The following ARHGEF17 variants were observed in gnomAD, a reference collection of about 807,000 sequenced individuals.
ARHGEF17 encodes Rho guanine nucleotide exchange factor 17, also known as 164 kDa Rho-specific guanine-nucleotide exchange factor.
In ARHGEF17, 80 loss-of-function variants were observed where a neutral mutation model predicts 174.0. That is an observed-to-expected ratio of 0.46 (90% CI 0.38 to 0.55). The LOEUF (loss-of-function observed/expected upper bound fraction) is 0.55. ARHGEF17 is among the 20% of genes least tolerant of loss of function. The pLI, the probability that ARHGEF17 is intolerant of heterozygous loss-of-function variation, is 0.00. For synonymous variants in ARHGEF17, 1,311 were observed against 1,189.1 expected (o/e 1.10, Z -2.11); for missense variants, 2,886 against 2,839.7 (o/e 1.02, Z -0.37).
intron 2 of ARHGEF17, among the ~76,000 whole-genome samples, chr11:73,349,404 C>T (rs1865516695): frequency 6.6e-6 from 1 of 152,182 alleles, no homozygotes; most frequent in Admixed American, 6.5e-5. Context: ...CACCTGAGGT[C>T]AGGAGTTCAA....
chr11:73,360,044 G>GA, intron 10 of ARHGEF17, 92 bp downstream of exon 10: 1 of 1,272,168 alleles, frequency 7.9e-7, no homozygotes. Context: ...TTGCCTGAGG[G>GA]AAGAGACATC....
chr11:73,321,883 C>T (rs543009935), intron 1 of ARHGEF17, among the ~76,000 whole-genome samples: 3 of 152,106 alleles, frequency 2.0e-5, no homozygotes, highest in African/African-American at 4.8e-5. Flanking sequence ...AGGGGCCAGC[C>T]GAGGGAGCAA....
Position 73,364,611 on chromosome 11 carries a change from G to C in ARHGEF17, c.5550+11G>C, listed in dbSNP as rs775766041. ...ACGCTGCAGCTGGAGGTAGCAGGGGGTGGGGGAATGGAATTGGTGCCATGG... is the reference window on the plus strand; with the variant it reads ...ACGCTGCAGCTGGAGGTAGCAGGGGCTGGGGGAATGGAATTGGTGCCATGG... On this transcript the variant is annotated intron_variant, in intron 18 of 20. Transcript: ENST00000263674. 1.7e-5 allele frequency: 28 copies of C among 1,601,836 alleles called. No homozygotes were observed. Among genetic ancestry groups the C allele is most frequent in the Non-Finnish European group, 2.1e-5 (25 of 1,175,264 alleles).
At chr11:73,362,795 G>C in intron 14 of ARHGEF17, 61 bp downstream of exon 14, 3 of 1,553,250 alleles carry the variant, frequency 1.9e-6, no homozygotes, top group Non-Finnish European at 1.7e-6. Flanking sequence ...GCCCAGAGGA[G>C]GGGGAGAGGA....
At chr11:73,356,075 A>G in intron 5 of ARHGEF17, 100 bp from the exon 6 acceptor site, 1 of 1,575,136 alleles carries the variant, frequency 6.3e-7, no homozygotes, top group East Asian at 2.3e-5. Context: ...GGTAGGAAAG[A>G]TAGTCCTCTT....
intron 9 of ARHGEF17, among the ~76,000 whole-genome samples, chr11:73,359,089 G>A (rs1591759395): frequency 1.3e-5 from 2 of 152,182 alleles, no homozygotes; most frequent in Non-Finnish European, 2.9e-5. Context: ...GTCATGACCC[G>A]TCCAGGGCTG....
At position 73,362,478 on chromosome 11, in the gene ARHGEF17, G is replaced by A. The variant is rs141393518; in HGVS notation, c.4740G>A (p.Glu1580=). The A allele has an allele frequency of 1.5e-4, 232 of 1,593,710 alleles. No homozygotes were observed. The highest frequency in any genetic ancestry group is 1.9e-4 in the Non-Finnish European group (219 of 1,173,474). ...SLRSPPETAP[E]PAGPELDVEA... ...GGAGTCCTCCAGAGACGGCACCGGAGCCCGCCGGGCCGGAGCTGGACGTCG... is the reference window on the plus strand; with the variant it reads ...GGAGTCCTCCAGAGACGGCACCGGAACCCGCCGGGCCGGAGCTGGACGTCG... Residue 1580 remains glutamate, a synonymous_variant, in exon 14 of 21, where the codon GAG becomes GAA. Coordinates refer to ENST00000263674, the MANE Select transcript of ARHGEF17 (RefSeq NM_014786.4).
At position 73,360,515 on chromosome 11, in the gene ARHGEF17, G is replaced by C. The variant is rs769958134; in HGVS notation, c.4402G>C (p.Glu1468Gln). 1 of 1,613,772 alleles carries C rather than the reference G, an allele frequency of 6.2e-7. No homozygotes were observed. The highest frequency in any genetic ancestry group is 8.5e-7 in the Non-Finnish European group (1 of 1,180,056). The change falls in exon 11 of 21, where the codon GAG (glutamate) becomes CAG (glutamine). Residue 1468 changes from glutamate (E) to glutamine (Q), a missense_variant. Coordinates refer to ENST00000263674, the MANE Select transcript of ARHGEF17 (RefSeq NM_014786.4). Reference sequence around the variant, plus strand: ...CCTTGGTTTTGAACAGGCCTTCGATGAGGCCAAGAGGAAGCTGGGTAAGCC... The same window carrying C: ...CCTTGGTTTTGAACAGGCCTTCGATCAGGCCAAGAGGAAGCTGGGTAAGCC... The part of the protein sequence containing the change: ...ARLGFEQAFD[E>Q]AKRKLASSKS...
chr11:73,364,116 G>A, intron 16 of ARHGEF17, 56 bp from the exon 17 acceptor site: 1 of 1,570,390 alleles, frequency 6.4e-7, no homozygotes, highest in East Asian at 2.2e-5. Flanking sequence ...CCTGGTCCTG[G>A]GTGACCCACT....
chr11:73,367,550 C>T, intron 20 of ARHGEF17, 34 bp from the exon 21 acceptor site: 1 of 1,573,950 alleles, frequency 6.4e-7, no homozygotes. Context: ...CTCCATTCGC[C>T]CCCAAGCTGA....
intron 1 of ARHGEF17, among the ~76,000 whole-genome samples, chr11:73,328,376 A>G (rs538711204): frequency 6.6e-6 from 1 of 152,314 alleles, no homozygotes; most frequent in African/African-American, 2.4e-5. Flanking sequence ...ACTCTGGAGC[A>G]GCTGGTCTGT....
chr11:73,363,937 T>G (rs1865793703), intron 16 of ARHGEF17, 104 bp downstream of exon 16: 2 of 1,304,532 alleles, frequency 1.5e-6, no homozygotes, highest in African/African-American at 2.9e-5. Flanking sequence ...CTCCTCTGTG[T>G]GGAGGCTGGA....
chr11:73,356,637 T>A, intron 6 of ARHGEF17, 72 bp from the exon 7 acceptor site: 5 of 1,588,844 alleles, frequency 3.1e-6, no homozygotes, highest in Non-Finnish European at 4.3e-6. Flanking sequence ...GGCCGAGGGA[T>A]CACTGGGATT....
intron 2 of ARHGEF17, among the ~76,000 whole-genome samples, chr11:73,352,466 G>C (rs945203813): frequency 1.3e-5 from 2 of 152,208 alleles, no homozygotes; most frequent in African/African-American, 4.8e-5. Context: ...CCAATTCTTA[G>C]AACAGTGCCT....
At chr11:73,317,965 C>T (rs1021911656) in intron 1 of ARHGEF17, among the ~76,000 whole-genome samples, 11 of 152,168 alleles carry the variant, frequency 7.2e-5, no homozygotes, top group African/African-American at 2.7e-4. Context: ...AGCTTTGCCT[C>T]ACCACCTTCC....
chr11:73,356,578 A>C, intron 6 of ARHGEF17, 131 bp from the exon 7 acceptor site: 2 of 1,290,746 alleles, frequency 1.5e-6, no homozygotes, highest in Admixed American at 2.0e-5. Flanking sequence ...GCACAAGGGC[A>C]TTGAGGGTGG....
chr11:73,346,507 T>G (rs1865463141), intron 1 of ARHGEF17, among the ~76,000 whole-genome samples: 3 of 152,068 alleles, frequency 2.0e-5, no homozygotes, highest in Non-Finnish European at 4.4e-5. Flanking sequence ...GCAGCTGGAG[T>G]GGGTGCTGGC....
At chr11:73,355,194 G>A (rs899085414) in intron 3 of ARHGEF17, among the ~76,000 whole-genome samples, 2 of 152,228 alleles carry the variant, frequency 1.3e-5, no homozygotes, top group Admixed American at 1.3e-4. Flanking sequence ...GACCTGCCTG[G>A]CTGGACTTCG....
chr11:73,313,947 G>C (rs1490485627), intron 1 of ARHGEF17, among the ~76,000 whole-genome samples: 5 of 152,212 alleles, frequency 3.3e-5, no homozygotes, highest in Non-Finnish European at 7.3e-5. Flanking sequence ...CTGCTTCTCA[G>C]CCACCAGGCT....
Sources: allele counts gnomAD v4.1 joint callset (sites outside exome capture counted in the v4.1 genomes callset), GRCh38; gene constraint gnomAD v4.1.1; transcripts MANE v1.5; gene names NCBI Gene and HGNC (gene_info 2026-07-23, HGNC 2026-07-21).